The following CPLANE1 variants were observed in gnomAD, a reference collection of about 807,000 sequenced individuals.
CPLANE1 encodes the protein ciliogenesis and planar polarity effector complex subunit 1.
A neutral mutation model predicts 362.5 loss-of-function variants in CPLANE1; 263 were observed. The ratio of observed to expected loss-of-function variants is 0.73; its 90% CI spans 0.66 to 0.80. The LOEUF is 0.80. Ranked by LOEUF, CPLANE1 falls within the 30% of genes least tolerant of loss-of-function variation. CPLANE1 has a pLI of 0.00. For missense variants in CPLANE1, 3,461 were observed against 3,793.4 expected (o/e 0.91, Z 2.30); for synonymous variants, 1,212 against 1,302.6 (o/e 0.93, Z 1.50).
chr5:37,106,761 T>C lies in CPLANE1; in HGVS notation c.*841A>G, dbSNP rs1757707418. The C allele has an allele frequency of 1.3e-6, 1 of 787,042 alleles. No homozygotes were observed. Among genetic ancestry groups the C allele is most frequent in the African/African-American group, 1.9e-5 (1 of 53,240 alleles). The allele number at this position is 787,042 out of a possible 1,614,324, so 48.8% of individuals were successfully genotyped here. ...AGGTAGATATTTGGAAAAAGAGGGG[T>C]ATTTAATAGCTTTTTCAGATGATAG... On this transcript the variant is annotated 3_prime_UTR_variant, in exon 53 of 53. Transcript: ENST00000651892.
intron 46 of CPLANE1, among the ~76,000 whole-genome samples, chr5:37,135,859 G>A (rs1767554548): frequency 1.3e-5 from 2 of 151,786 alleles, no homozygotes; most frequent in South Asian, 4.2e-4. Flanking sequence ...AAACCCAACA[G>A]ATCTCGTGAA....
At chr5:37,219,375 A>G (rs1257915140) in intron 15 of CPLANE1, among the ~76,000 whole-genome samples, 1 of 151,966 alleles carries the variant, frequency 6.6e-6, no homozygotes, top group East Asian at 1.9e-4. Flanking sequence ...TAAAAATACA[A>G]AAGTCAGCCA....
intron 46 of CPLANE1, 43 bp downstream of exon 46, chr5:37,138,677 G>A: frequency 6.4e-7 from 1 of 1,567,184 alleles, no homozygotes; most frequent in East Asian, 2.3e-5. Context: ...TCTTGAATGA[G>A]AAGCATTTTA....
intron 46 of CPLANE1, among the ~76,000 whole-genome samples, chr5:37,126,890 T>C (rs1764280659): frequency 6.6e-6 from 1 of 152,142 alleles, no homozygotes; most frequent in Non-Finnish European, 1.5e-5. Context: ...CACCCAGTGA[T>C]TGAAAAAGAC....
At chr5:37,150,942 C>T (rs933025220) in intron 42 of CPLANE1, among the ~76,000 whole-genome samples, 5 of 152,140 alleles carry the variant, frequency 3.3e-5, no homozygotes, top group Admixed American at 3.3e-4. Context: ...CCACTGTGAC[C>T]CATGTGGTCT....
At chr5:37,077,880 T>C in the CPLANE1 span, among the ~76,000 whole-genome samples, 1 of 152,156 alleles carries the variant, frequency 6.6e-6, no homozygotes, top group Non-Finnish European at 1.5e-5. Flanking sequence ...CCTCCCAAAG[T>C]GCTGGGATTA....
downstream of CPLANE1, among the ~76,000 whole-genome samples, chr5:37,103,821 C>T (rs973944377): frequency 6.6e-6 from 1 of 152,062 alleles, no homozygotes; most frequent in Non-Finnish European, 1.5e-5. Context: ...TTGACCTTGG[C>T]AAATGTGATG....
chr5:37,150,146 T>C (rs1773070224), intron 42 of CPLANE1, among the ~76,000 whole-genome samples: 1 of 152,164 alleles, frequency 6.6e-6, no homozygotes, highest in Non-Finnish European at 1.5e-5. Context: ...GATCTTGACA[T>C]GCACAGGAGT....
At chr5:37,126,573 G>A (rs188172176) in intron 46 of CPLANE1, among the ~76,000 whole-genome samples, 28 of 152,196 alleles carry the variant, frequency 1.8e-4, no homozygotes, top group East Asian at 5.8e-4. Context: ...CCTGCATTCC[G>A]CCATCCTCTC....
chr5:37,135,544 C>T (rs1025956312), intron 46 of CPLANE1, among the ~76,000 whole-genome samples: 1 of 151,848 alleles, frequency 6.6e-6, no homozygotes. Flanking sequence ...CTTATAAAAC[C>T]ATCAGATTGG....
intron 16 of CPLANE1, chr5:37,211,916 T>C: frequency 1.3e-6 from 1 of 794,664 alleles, no homozygotes; most frequent in South Asian, 1.3e-5. Context: ...GGGATATGCT[T>C]CATATGGGCG....
chr5:37,206,447 T>C, intron 16 of CPLANE1, 22 bp from the exon 17 acceptor site: 14 of 1,435,568 alleles, frequency 9.8e-6, no homozygotes, highest in Non-Finnish European at 1.3e-5. Context: ...TTTTTAAAAA[T>C]GGATTATTAC....
At position 37,227,123 on chromosome 5, in the gene CPLANE1, T is replaced by G; in HGVS notation, c.1522-50A>C. 3.3e-6 allele frequency: 5 copies of G among 1,504,946 alleles called. No homozygotes were observed. The South Asian group carries it at 6.6e-5, about 20-fold the overall frequency. The allele number at this position is 1,504,946 out of a possible 1,614,324, so 93.2% of individuals were successfully genotyped here. A position where few individuals can be genotyped will look rare whatever the true frequency, so the allele number is the denominator to read the frequency against. On this transcript the variant is annotated intron_variant, in intron 11 of 52. Transcript: ENST00000651892. ...ATACTTAATACCATTTAATACCTTATCAATAGCATCACTTTGGCGTTCTTA... is the reference window on the plus strand; with the variant it reads ...ATACTTAATACCATTTAATACCTTAGCAATAGCATCACTTTGGCGTTCTTA...
intron 35 of CPLANE1, among the ~76,000 whole-genome samples, chr5:37,166,544 A>G (rs562249398): frequency 2.6e-5 from 4 of 152,240 alleles, no homozygotes; most frequent in Admixed American, 6.5e-5. Flanking sequence ...CAATATAGTT[A>G]TAATTGTTAT....
intron 41 of CPLANE1, among the ~76,000 whole-genome samples, chr5:37,154,459 C>CTTTTTTTTTTTTTTTTTTTTTTTTT (rs35522666): frequency 9.5e-5 from 8 of 84,574 alleles, no homozygotes; most frequent in Non-Finnish European, 1.3e-4. Flanking sequence ...TGCAATAGTT[C>CTTTTTTTTTTTTTTTTTTTTTTTTT]TTTTTTTTTT....
At position 37,165,565 on chromosome 5, in the gene CPLANE1, C is replaced by T. The variant is rs377710348; in HGVS notation, c.7507G>A (p.Asp2503Asn). Residue 2503 changes from aspartate (D) to asparagine (N), a missense_variant, in exon 36 of 53, where the codon GAT (aspartate) becomes AAT (asparagine). Physicochemically the swap from Asp to Asn is conservative, Grantham distance 23 (BLOSUM62 1). Coordinates refer to ENST00000651892, the MANE Select transcript of CPLANE1 (RefSeq NM_001384732.1). Reference sequence around the variant, plus strand: ...TTGGGTTTCTTAATGATTTCTGAATCATCATTATTAATTATGGAATTCTCT... The same window carrying T: ...TTGGGTTTCTTAATGATTTCTGAATTATCATTATTAATTATGGAATTCTCT... Reference protein sequence around the residue: ...RPENSIINNDDSEIIKKPKEQ... With the variant: ...RPENSIINNDNSEIIKKPKEQ... 1.9e-6 allele frequency: 3 copies of T among 1,608,396 alleles called. No homozygotes were observed. The highest frequency in any genetic ancestry group is 2.7e-5 in the African/African-American group (2 of 74,620).
At position 37,201,693 on chromosome 5, in the gene CPLANE1, G is replaced by C. The variant is rs756639207; in HGVS notation, c.3405C>G (p.Asp1135Glu). 2.5e-6 allele frequency: 4 copies of C among 1,614,122 alleles called. No individual in the cohort carries two copies. The South Asian group carries it at 4.4e-5, about 18-fold the overall frequency. Residue 1135 changes from aspartate (D) to glutamate (E), a missense_variant, in exon 19 of 53, where the codon GAC becomes GAG. This residue lies in a region of CPLANE1 where 3,380 missense variants were observed against 3,666.1 expected (regional missense o/e 0.92). Transcript: ENST00000651892. ...ILSETFQLLIDSAKDFSKRLW... is the reference protein window; with the variant it reads ...ILSETFQLLIESAKDFSKRLW... ...GTCTTTTACTGAAGTCCTTGGCAGA[G>C]TCTATCAGAAGTTGAAATGTCTCCG...
In CPLANE1 at chr5:37,244,378, A is replaced by G; in HGVS notation, c.567T>C (p.Asn189=). The change falls in exon 5 of 53, where the codon AAT becomes AAC. Residue 189 remains asparagine, a synonymous_variant. Transcript: ENST00000651892. ...EAVVNAVFIK[N]ELFGDCCLCS... ...AAGAGTCTGAGACTGATTTTACCTC[A>G]TTTTTTATAAAAACAGCATTCACTA... The G allele has an allele frequency of 1.3e-6, 2 of 1,546,882 alleles. No individual in the cohort carries two copies. The highest frequency in any genetic ancestry group is 1.2e-5 in the South Asian group (1 of 83,276).
chr5:37,157,223 G>T (rs1775378989), intron 41 of CPLANE1, 90 bp downstream of exon 41: 6 of 603,444 alleles, frequency 9.9e-6, no homozygotes, highest in Admixed American at 5.2e-5. Context: ...CCCTTTTTCT[G>T]GTTTCTTTTG....
Sources: allele counts gnomAD v4.1 joint callset (sites outside exome capture counted in the v4.1 genomes callset), GRCh38; gene constraint gnomAD v4.1.1; regional missense constraint gnomAD v4.1.1; transcripts MANE v1.5; gene names NCBI Gene and HGNC (gene_info 2026-07-23, HGNC 2026-07-21).